Variants in NCAM2 observed in about 807,000 individuals in gnomAD.
NCAM2 encodes the protein neural cell adhesion molecule 2.
NCAM2 carries 30 observed loss-of-function variants against 98.1 expected under a neutral mutation model. The observed-to-expected ratio is 0.31, with a 90% confidence interval of 0.23 to 0.41. The LOEUF (loss-of-function observed/expected upper bound fraction) is 0.41. Ranked by LOEUF, NCAM2 falls within the 10% of genes least tolerant of loss-of-function variation. The pLI is 1.00. For synonymous variants in NCAM2, 368 were observed against 342.4 expected (o/e 1.07, Z -0.83); for missense variants, 867 against 1,005.8 (o/e 0.86, Z 1.87).
At position 21,202,558 on chromosome 21, in the gene NCAM2, A is replaced by C. The variant is rs1429487469; in HGVS notation, c.56-78020A>C. On this transcript the variant is annotated intron_variant, in intron 1 of 17. Transcript: ENST00000400546. ...CAGCCTCCCAAGTAGCTGGGAATAC[A>C]GGCATGTGCCACCATGCCTGGCTAA... Among the ~76,000 whole-genome samples, 3 of 151,740 alleles carry C rather than the reference A, an allele frequency of 2.0e-5. No individual in the cohort carries two copies. The East Asian group carries it at 5.9e-4, about 30-fold the overall frequency.
At chr21:21,429,409 C>A (rs2077281882) in intron 11 of NCAM2, among the ~76,000 whole-genome samples, 1 of 152,202 alleles carries the variant, frequency 6.6e-6, no homozygotes, top group Admixed American at 6.5e-5. Context: ...TCTCATCCCC[C>A]AGAATATACT....
At chr21:21,477,238 G>A (rs920454092) in intron 14 of NCAM2, 53 bp from the exon 15 acceptor site, 11 of 1,350,506 alleles carry the variant, frequency 8.1e-6, no homozygotes, top group South Asian at 3.4e-5. Flanking sequence ...TTTTAAAAAG[G>A]TGTCACTTTA....
At chr21:21,291,208 A>T (rs920954031) in intron 4 of NCAM2, among the ~76,000 whole-genome samples, 1 of 151,888 alleles carries the variant, frequency 6.6e-6, no homozygotes, top group Admixed American at 6.6e-5. Context: ...AGTCAATGAG[A>T]TCTATGGATG....
At chr21:21,003,018 C>T (rs2064048119) in intron 1 of NCAM2, among the ~76,000 whole-genome samples, 1 of 152,110 alleles carries the variant, frequency 6.6e-6, no homozygotes, top group Non-Finnish European at 1.5e-5. Flanking sequence ...CAAGCTATCT[C>T]TAATTGTTCA....
rs2073409901 is a variant in NCAM2 at position 21,294,607 on chromosome 21, T to A, written c.619+2366T>A. 2.0e-5 allele frequency among the ~76,000 whole-genome samples: 3 copies of A among 151,848 alleles called. No individual in the cohort carries two copies. In the South Asian group the frequency reaches 6.2e-4, roughly 31 times the overall value. ...TAGCTTAAAATTCCTGGAATCTCTT[T>A]TATTTTAAATAACAGTGTTCATAAA... On this transcript the variant is annotated intron_variant, in intron 5 of 17. Transcript: ENST00000400546.
chr21:21,377,793 A>C (rs1311143989), intron 9 of NCAM2, among the ~76,000 whole-genome samples: 3 of 151,836 alleles, frequency 2.0e-5, no homozygotes, highest in Admixed American at 6.6e-5. Flanking sequence ...TCTCCTGTCT[A>C]TCTGCCTGTC....
chr21:21,141,253 T>C (rs1350635186), intron 1 of NCAM2, among the ~76,000 whole-genome samples: 1 of 152,168 alleles, frequency 6.6e-6, no homozygotes, highest in African/African-American at 2.4e-5. Context: ...AACAACAAAC[T>C]TCTCCTTATT....
At chr21:21,167,932 A>G (rs540307974) in intron 1 of NCAM2, among the ~76,000 whole-genome samples, 94 of 152,136 alleles carry the variant, frequency 6.2e-4, no homozygotes, top group Non-Finnish European at 1.2e-3. Flanking sequence ...ATAGAAGCAG[A>G]GGGAATCCAT....
chr21:21,422,550 A>G (rs2077131767), intron 11 of NCAM2, among the ~76,000 whole-genome samples: 1 of 152,216 alleles, frequency 6.6e-6, no homozygotes, highest in African/African-American at 2.4e-5. Flanking sequence ...CTGACTTCCT[A>G]TTAATGAGCA....
At chr21:21,493,584 T>C (rs1326559192) in intron 15 of NCAM2, among the ~76,000 whole-genome samples, 1 of 151,956 alleles carries the variant, frequency 6.6e-6, no homozygotes, top group Admixed American at 6.6e-5. Flanking sequence ...TACATTACGG[T>C]GCATACTTGG....
intron 1 of NCAM2, among the ~76,000 whole-genome samples, chr21:21,270,123 A>G (rs963013466): frequency 2.6e-5 from 4 of 152,198 alleles, no homozygotes; most frequent in African/African-American, 9.6e-5. Flanking sequence ...GTGATAAAAA[A>G]ATCTTACACT....
At chr21:21,522,209 T>C (rs1433209661) in intron 16 of NCAM2, among the ~76,000 whole-genome samples, 2 of 148,068 alleles carry the variant, frequency 1.4e-5, no homozygotes, top group African/African-American at 4.9e-5. Flanking sequence ...ATGAATATGA[T>C]TATATATGAA....
At chr21:21,502,028 A>G (rs1987669509) in intron 15 of NCAM2, among the ~76,000 whole-genome samples, 1 of 151,946 alleles carries the variant, frequency 6.6e-6, no homozygotes, top group Non-Finnish European at 1.5e-5. Flanking sequence ...AAACATTTCT[A>G]CTGACTAAAG....
At chr21:21,263,653 A>T (rs1442098707) in intron 1 of NCAM2, among the ~76,000 whole-genome samples, 1 of 152,170 alleles carries the variant, frequency 6.6e-6, no homozygotes, top group Non-Finnish European at 1.5e-5. Context: ...CTGGTTCAAA[A>T]ATAGATACAT....
intron 1 of NCAM2, among the ~76,000 whole-genome samples, chr21:21,243,017 A>G (rs1456041690): frequency 9.1e-6 from 1 of 110,236 alleles, no homozygotes; most frequent in Non-Finnish European, 1.8e-5. Context: ...AAACCAGATG[A>G]ACTTTCAGCT....
At chr21:21,314,846 T>G (rs2074169300) in intron 5 of NCAM2, among the ~76,000 whole-genome samples, 1 of 152,252 alleles carries the variant, frequency 6.6e-6, no homozygotes, top group African/African-American at 2.4e-5. Context: ...TGGAGAGACT[T>G]TCTATATTTC....
At position 21,382,284 on chromosome 21, in the gene NCAM2, T is replaced by G. The variant is rs779147539; in HGVS notation, c.1195+8271T>G. Among the ~76,000 whole-genome samples, 46 of 152,312 alleles carry G rather than the reference T, an allele frequency of 3.0e-4. No individual in the cohort carries two copies. In the Middle Eastern group the frequency reaches 0.01, roughly 34 times the overall value. ...TCTGGCCACTATTTCTGCAATTTTT[T>G]TGTGTGTGTAATCTCTTACTAATCT... On this transcript the variant is annotated intron_variant, in intron 9 of 17. Coordinates refer to ENST00000400546, the MANE Select transcript of NCAM2 (RefSeq NM_004540.5).
chr21:21,209,650 T>C (rs2069571675), intron 1 of NCAM2, among the ~76,000 whole-genome samples: 1 of 152,130 alleles, frequency 6.6e-6, no homozygotes, highest in Non-Finnish European at 1.5e-5. Flanking sequence ...GGTTGTCTGT[T>C]ATAAAATGCT....
At position 21,517,680 on chromosome 21, in the gene NCAM2, A is replaced by T. The variant is rs189695499; in HGVS notation, c.2282+8625A>T. 5.8e-3 allele frequency among the ~76,000 whole-genome samples: 886 copies of T among 152,172 alleles called. 1 individual carries two copies. Among genetic ancestry groups the T allele is most frequent in the Non-Finnish European group, 9.2e-3 (624 of 67,994 alleles). On this transcript the variant is annotated intron_variant, in intron 16 of 17. Transcript: ENST00000400546. ...CAAGACCAGCCTGGCCAACATAGCT[A>T]AACCCTGTCTTTACTAAAAATACAA...
Sources: gnomAD v4.1 joint callset for allele counts (sites outside exome capture counted in the v4.1 genomes callset) on GRCh38, gnomAD v4.1.1 for gene constraint, MANE v1.5 for transcripts, NCBI Gene and HGNC (gene_info 2026-07-23, HGNC 2026-07-21) for gene names.